The following RELN variants were observed in gnomAD, a reference collection of about 807,000 sequenced individuals.
RELN encodes reelin.
Under a neutral mutation model 427.6 loss-of-function variants are expected in RELN, and 108 were observed. That is an observed-to-expected ratio of 0.25 (90% CI 0.22 to 0.30). The LOEUF is 0.30. Among genes scored for constraint, RELN ranks in the 10% least tolerant of loss-of-function variants. The pLI is 1.00. For missense variants in RELN, 3,715 were observed against 4,302.8 expected, an observed-to-expected ratio of 0.86 and a Z score of 3.82; for synonymous variants, 1,524 against 1,513.4, an observed-to-expected ratio of 1.01 and a Z score of -0.16.
At chr7:103,566,975 G>T (rs1830768328) in intron 31 of RELN, among the ~76,000 whole-genome samples, 1 of 125,862 alleles carries the variant, frequency 7.9e-6, no homozygotes. Context: ...AAATACATAA[G>T]CTCTTATAAG....
chr7:103,572,894 ACGTG>A (rs1830915826), intron 30 of RELN, among the ~76,000 whole-genome samples: 1 of 152,180 alleles, frequency 6.6e-6, no homozygotes, highest in Non-Finnish European at 1.5e-5. Context: ...CATGTGCAGA[ACGTG>A]CAGGTTTGTT....
chr7:103,931,845 C>T (rs1333594388), intron 1 of RELN, among the ~76,000 whole-genome samples: 1 of 152,082 alleles, frequency 6.6e-6, no homozygotes, highest in Non-Finnish European at 1.5e-5. Flanking sequence ...CAGAAGTAGA[C>T]CTGGAGGTGG....
At chr7:103,753,027 C>T (rs75627256) in intron 5 of RELN, among the ~76,000 whole-genome samples, 155 bp downstream of exon 5, 33 of 152,276 alleles carry the variant, frequency 2.2e-4, no homozygotes, top group African/African-American at 7.9e-4. Flanking sequence ...GTTCTGTGTT[C>T]AAGTATAATC....
rs1432646080 is a variant in RELN, at chr7:103,540,333, A to G, written c.6794T>C (p.Leu2265Pro). 2 of 1,614,198 alleles carry G rather than the reference A, an allele frequency of 1.2e-6. No homozygotes were observed. The highest frequency in any genetic ancestry group is 4.5e-5 in the East Asian group (2 of 44,884). ...GLSWSLLQEF[L>P]FSNSSNVGRY... ...GCCCACATTGCTGGAATTGCTGAAAAGGAACTCCTGAAGAAGACTCCACGA... is the reference window on the plus strand; with the variant it reads ...GCCCACATTGCTGGAATTGCTGAAAGGGAACTCCTGAAGAAGACTCCACGA... The change falls in exon 44 of 65, where the codon CTT (leucine) becomes CCT (proline). Residue 2265 changes from leucine to proline, a missense_variant. Leu to Pro is a moderately conservative substitution (Grantham distance 98). This residue lies in a region of RELN where 1,310 missense variants were observed against 1,643.0 expected (regional missense o/e 0.80). Coordinates refer to ENST00000428762, the MANE Select transcript of RELN (RefSeq NM_005045.4).
chr7:103,799,310 A>G (rs908655057), intron 3 of RELN, among the ~76,000 whole-genome samples: 1 of 152,200 alleles, frequency 6.6e-6, no homozygotes. Flanking sequence ...CTGCATTTTT[A>G]TATGACTAGG....
rs560656734 is a variant in RELN at position 103,834,168 on chromosome 7, C to T, written c.338-496G>A. Among the ~76,000 whole-genome samples, 13 of 152,308 alleles carry T rather than the reference C, an allele frequency of 8.5e-5. 1 individual carries two copies. The highest frequency in any genetic ancestry group is 3.1e-4 in the African/African-American group (13 of 41,560). ...ATTTGGGAGGTTTCAAGAAAAGGTCCTTTGCCTCTGGATTGGGTGCTATCA... is the reference window on the plus strand; with the variant it reads ...ATTTGGGAGGTTTCAAGAAAAGGTCTTTTGCCTCTGGATTGGGTGCTATCA... On this transcript the variant is annotated intron_variant, in intron 2 of 64. Transcript: ENST00000428762.
At chr7:103,982,597 G>C (rs1797014743) in intron 1 of RELN, among the ~76,000 whole-genome samples, 1 of 152,116 alleles carries the variant, frequency 6.6e-6, no homozygotes, top group Admixed American at 6.6e-5. Flanking sequence ...ATGGCATGGA[G>C]TCAAAGGAAG....
At chr7:103,719,214 A>G (rs1474669182) in intron 8 of RELN, among the ~76,000 whole-genome samples, 1 of 152,186 alleles carries the variant, frequency 6.6e-6, no homozygotes, top group East Asian at 1.9e-4. Context: ...GACATTGCTC[A>G]TAGCTACCAG....
Position 103,989,446 on chromosome 7 carries a change from A to G in RELN, c.-90T>C. The G allele has an allele frequency of 8.8e-7, 1 of 1,136,806 alleles. No individual in the cohort carries two copies. The highest frequency in any genetic ancestry group is 3.3e-5 in the East Asian group (1 of 30,534). The allele number at this position is 1,136,806 out of a possible 1,614,324, so 70.4% of individuals were successfully genotyped here. A position where few individuals can be genotyped will look rare whatever the true frequency, so the allele number is the denominator to read the frequency against. On this transcript the variant is annotated 5_prime_UTR_variant, in exon 1 of 65. Transcript: ENST00000428762. The surrounding 1 kb of genome is among the most constrained non-coding windows in gnomAD (Gnocchi z 4.9). ...GCCGGGACGGAGGAGCCACGCGGAG[A>G]GAAGGCGAGAAGAAGGCGGACGGGA...
chr7:103,666,796 T>A (rs574246081), intron 11 of RELN, among the ~76,000 whole-genome samples: 1 of 152,338 alleles, frequency 6.6e-6, no homozygotes, highest in South Asian at 2.1e-4. Context: ...GGAGTTTCCA[T>A]TCTTCTGGGA....
At chr7:103,641,983 A>T (rs1344013075) in intron 16 of RELN, among the ~76,000 whole-genome samples, 1 of 152,188 alleles carries the variant, frequency 6.6e-6, no homozygotes, top group African/African-American at 2.4e-5. Flanking sequence ...CAATGAAAAA[A>T]GTTGCAATTA....
chr7:103,749,942 T>C (rs1404258248), intron 5 of RELN, among the ~76,000 whole-genome samples: 3 of 152,062 alleles, frequency 2.0e-5, no homozygotes, highest in African/African-American at 7.2e-5. Context: ...GTTACTCTCA[T>C]GCTGTTCTCA....
intron 3 of RELN, among the ~76,000 whole-genome samples, chr7:103,823,917 G>T (rs990358719): frequency 6.6e-5 from 10 of 152,130 alleles, no homozygotes; most frequent in African/African-American, 2.4e-4. Context: ...TTTCACACTT[G>T]ACTGATAATT....
intron 2 of RELN, among the ~76,000 whole-genome samples, chr7:103,866,794 A>G (rs552381892): frequency 6.6e-6 from 1 of 152,182 alleles, no homozygotes; most frequent in African/African-American, 2.4e-5. Context: ...TATAGGTAGA[A>G]GTTCTAATAT....
At chr7:103,775,328 A>G (rs1464903894) in intron 4 of RELN, among the ~76,000 whole-genome samples, 3 of 152,218 alleles carry the variant, frequency 2.0e-5, no homozygotes, top group Admixed American at 2.0e-4. Flanking sequence ...TACTGATAAT[A>G]TGTTTGAAAC....
chr7:103,821,462 C>T (rs262359), intron 3 of RELN, among the ~76,000 whole-genome samples: 59,374 of 151,998 alleles, frequency 0.39, 11,961 homozygotes, highest in African/African-American at 0.46. Flanking sequence ...TTTTGATCCA[C>T]AGACATGTAA....
chr7:103,551,803 G>T (rs1415234204), intron 40 of RELN, among the ~76,000 whole-genome samples: 2 of 152,014 alleles, frequency 1.3e-5, no homozygotes, highest in East Asian at 1.9e-4. Flanking sequence ...CACAGGGAAA[G>T]ATTTTTTTAA....
At chr7:103,966,415 A>G (rs1400101202) in intron 1 of RELN, among the ~76,000 whole-genome samples, 1 of 152,222 alleles carries the variant, frequency 6.6e-6, no homozygotes, top group African/African-American at 2.4e-5. Context: ...AGAAACCACA[A>G]TACCCAGAGG....
chr7:103,580,441 G>A (rs1831103916), intron 28 of RELN, among the ~76,000 whole-genome samples: 1 of 152,174 alleles, frequency 6.6e-6, no homozygotes, highest in Non-Finnish European at 1.5e-5. Flanking sequence ...AGAAAATATT[G>A]ATACATTGGG....
Sources: gnomAD v4.1 joint callset for allele counts (sites outside exome capture counted in the v4.1 genomes callset) on GRCh38, gnomAD v4.1.1 for gene constraint, gnomAD v4.1.1 regional missense constraint, Gnocchi (gnomAD v3.1) non-coding constraint, MANE v1.5 for transcripts, NCBI Gene and HGNC (gene_info 2026-07-23, HGNC 2026-07-21) for gene names.